COL12A1: variants seen among roughly 807,000 people sequenced by gnomAD.
COL12A1 encodes collagen type XII alpha 1 chain.
A neutral mutation model predicts 349.7 loss-of-function variants in COL12A1; 114 were observed. That is an observed-to-expected ratio of 0.33 (90% CI 0.28 to 0.38). COL12A1 has a LOEUF of 0.38. COL12A1 is among the 10% of genes least tolerant of loss of function. COL12A1 has a pLI of 1.00. For synonymous variants in COL12A1, 1,369 were observed against 1,329.0 expected (o/e 1.03, Z -0.66); for missense variants, 3,284 against 3,756.9 (o/e 0.87, Z 3.29).
chr6:75,143,507 T>C (rs2149403056), intron 25 of COL12A1, 119 bp from the exon 26 acceptor site: 2 of 1,018,904 alleles, frequency 2.0e-6, no homozygotes, highest in Admixed American at 3.2e-5. Context: ...GCAAAATAAC[T>C]GAAAAAAATG....
chr6:75,131,795 C>A (rs1053278609), intron 35 of COL12A1, 145 bp downstream of exon 35: 23 of 881,956 alleles, frequency 2.6e-5, no homozygotes, highest in African/African-American at 3.4e-5. Context: ...ATAATTAATA[C>A]ACCTACCTCA....
intron 24 of COL12A1, 105 bp from the exon 25 acceptor site, chr6:75,145,560 C>T: frequency 2.9e-6 from 3 of 1,037,514 alleles, no homozygotes; most frequent in South Asian, 2.8e-5. Flanking sequence ...TATAATACAG[C>T]TTGTATTTTT....
chr6:75,146,921 C>G (rs1362835026), intron 23 of COL12A1, among the ~76,000 whole-genome samples: 1 of 152,200 alleles, frequency 6.6e-6, no homozygotes, highest in Non-Finnish European at 1.5e-5. Flanking sequence ...TTGAGCAGTA[C>G]ATAAAGTCAG....
Position 75,153,685 on chromosome 6 carries a change from C to G in COL12A1, c.3565+731G>C, listed in dbSNP as rs573808318. Among the ~76,000 whole-genome samples, 21 of 152,216 alleles carry G rather than the reference C, an allele frequency of 1.4e-4. No homozygotes were observed. The South Asian group carries it at 3.3e-3, about 24-fold the overall frequency. The stretch of plus-strand genomic sequence containing the variant: ...CCTTACAAGCCTGCTCCTGCTCTGC[C>G]CAGATCTACTCTTTTTTAGCAATAA... On this transcript the variant is annotated intron_variant, in intron 17 of 65. Coordinates refer to ENST00000322507, the MANE Select transcript of COL12A1 (RefSeq NM_004370.6).
intron 2 of COL12A1, 130 bp downstream of exon 2, chr6:75,202,590 A>C (rs1413112527): frequency 9.3e-6 from 8 of 864,770 alleles, no homozygotes; most frequent in Non-Finnish European, 1.4e-5. Flanking sequence ...GTTTCTCTGA[A>C]GGAGAGAAAC....
At chr6:75,089,261 G>T in intron 63 of COL12A1, 87 bp from the exon 64 acceptor site, 1 of 980,678 alleles carries the variant, frequency 1.0e-6, no homozygotes, top group East Asian at 2.8e-5. Flanking sequence ...TTTGATTCAA[G>T]TAATTCATTT....
In COL12A1 at chr6:75,189,631, G is replaced by A; in HGVS notation, c.579C>T (p.Asn193=). The A allele has an allele frequency of 6.2e-7, 1 of 1,613,142 alleles. No homozygotes were observed. The highest frequency in any genetic ancestry group is 8.5e-7 in the Non-Finnish European group (1 of 1,179,380). ...QYSSDTRTEF[N]LNQYYQRDEL... is the part of the protein sequence containing the mutation. The stretch of plus-strand genomic sequence containing the variant: ...CATCCCTTTGGTAGTACTGATTTAA[G>A]TTAAATTCAGTCCTGGTATCAGAGC... The change falls in exon 6 of 66, where the codon AAC becomes AAT. Residue 193 remains asparagine, a synonymous_variant. Transcript: ENST00000322507.
At chr6:75,136,483 C>T (rs1766614472) in intron 31 of COL12A1, among the ~76,000 whole-genome samples, 1 of 152,106 alleles carries the variant, frequency 6.6e-6, no homozygotes, top group Non-Finnish European at 1.5e-5. Flanking sequence ...TAACCACACA[C>T]CTTAGATTAA....
intron 21 of COL12A1, 52 bp downstream of exon 21, chr6:75,151,089 T>TG: frequency 9.1e-7 from 1 of 1,102,578 alleles, no homozygotes; most frequent in South Asian, 2.3e-5. Flanking sequence ...AATAATTATT[T>TG]GGCCCAAAAT....
rs187931340 is a variant in COL12A1 at position 75,195,327 on chromosome 6, G to A, written c.74-380C>T. On this transcript the variant is annotated intron_variant, in intron 2 of 65. Coordinates refer to ENST00000322507, the MANE Select transcript of COL12A1 (RefSeq NM_004370.6). ...AAAGGAATTTCGATACATGCTGAGT[G>A]CATTTTGAACAAGCATGCCAAATCA... is the stretch of plus-strand genomic sequence containing the variant. Among the ~76,000 whole-genome samples, 7 of 152,268 alleles carry A rather than the reference G, an allele frequency of 4.6e-5. No individual in the cohort carries two copies. In the East Asian group the frequency reaches 1.2e-3, roughly 25 times the overall value.
intron 13 of COL12A1, among the ~76,000 whole-genome samples, chr6:75,170,699 G>A (rs1389456602): frequency 2.6e-5 from 4 of 152,300 alleles, no homozygotes; most frequent in East Asian, 1.9e-4. Context: ...CCCTGGCAAC[G>A]TCAGAGTTAT....
rs983136483 is a variant in COL12A1 at position 75,106,298 on chromosome 6, C to G, written c.8178+121G>C. The G allele has an allele frequency of 1.0e-5, 8 of 798,466 alleles. No homozygotes were observed. In the South Asian group the frequency reaches 1.0e-4, roughly 10 times the overall value. 49.5% of individuals were successfully genotyped at this position (798,466 alleles called of 1,614,324 possible). On this transcript the variant is annotated intron_variant, in intron 53 of 65. Coordinates refer to ENST00000322507, the MANE Select transcript of COL12A1 (RefSeq NM_004370.6). ...GTAGCTGGTGAGCACCCACACATTG[C>G]GTGTCTTTTAGCTCCATCCTGAATA...
chr6:75,199,004 G>C (rs372612038), intron 2 of COL12A1, among the ~76,000 whole-genome samples: 2 of 152,126 alleles, frequency 1.3e-5, no homozygotes, highest in South Asian at 4.1e-4. Flanking sequence ...AATTATCTTT[G>C]CCATGATATA....
chr6:75,167,239 G>GT (rs1186206578), intron 13 of COL12A1, among the ~76,000 whole-genome samples: 1 of 151,930 alleles, frequency 6.6e-6, no homozygotes, highest in Non-Finnish European at 1.5e-5. Flanking sequence ...TCTTTGTTTT[G>GT]TTTTTTATTT....
chr6:75,134,945 T>A, intron 31 of COL12A1, 90 bp from the exon 32 acceptor site: 1 of 1,370,858 alleles, frequency 7.3e-7, no homozygotes, highest in Middle Eastern at 1.9e-4. Context: ...GGGAAGCTGT[T>A]TGAGACCCTT....
In COL12A1 at chr6:75,135,413, A is replaced by G. The variant is rs375127249; in HGVS notation, c.5395-558T>C. 9.2e-5 allele frequency among the ~76,000 whole-genome samples: 14 copies of G among 152,282 alleles called. 3 individuals carry two copies. The highest frequency in any genetic ancestry group is 1.2e-4 in the African/African-American group (5 of 41,562). On this transcript the variant is annotated intron_variant, in intron 31 of 65. Coordinates refer to ENST00000322507, the MANE Select transcript of COL12A1 (RefSeq NM_004370.6). ...CAGACCTTTTGCCAGGCCACACTCA[A>G]TCAGGGGTTTCCAGTTGTCTCCATG...
Position 75,084,979 on chromosome 6 carries a change from TTTC to T in COL12A1, c.*1565_*1567del. On this transcript the variant is annotated 3_prime_UTR_variant, in exon 66 of 66. Coordinates refer to ENST00000322507, the MANE Select transcript of COL12A1 (RefSeq NM_004370.6). ...TTGTTAACAAAGTATTTTGCAAGCATTTCAAGGGCAAAGGCAAAAATGTCTACA... is the reference window on the plus strand; with the variant it reads ...TTGTTAACAAAGTATTTTGCAAGCATAAGGGCAAAGGCAAAAATGTCTACA... The T allele has an allele frequency of 3.4e-6, 1 of 291,880 alleles. No homozygotes were observed. 18.1% of individuals were successfully genotyped at this position (291,880 alleles called of 1,614,324 possible).
intron 12 of COL12A1, among the ~76,000 whole-genome samples, chr6:75,176,177 T>C (rs2149453768): frequency 6.6e-6 from 1 of 151,960 alleles, no homozygotes; most frequent in African/African-American, 2.4e-5. Flanking sequence ...GCTAATGAGC[T>C]AGGTTGCAGG....
chr6:75,205,739 G>A (rs1274779446), intron 1 of COL12A1, 38 bp downstream of exon 1: 1 of 153,532 alleles, frequency 6.5e-6, no homozygotes, highest in South Asian at 2.0e-4. Context: ...CTCTGGGAAT[G>A]ATGGGGGTAG....
Sources: gnomAD v4.1 joint callset for allele counts (sites outside exome capture counted in the v4.1 genomes callset) on GRCh38, gnomAD v4.1.1 for gene constraint, MANE v1.5 for transcripts, NCBI Gene and HGNC (gene_info 2026-07-23, HGNC 2026-07-21) for gene names.